SLC38A8: variants seen among roughly 807,000 people sequenced by gnomAD.
The protein encoded by SLC38A8 is amino acid transporter SLC38A8.
SLC38A8 carries 65 observed loss-of-function variants against 46.0 expected under a neutral mutation model. That is an observed-to-expected ratio of 1.41 (90% CI 1.16 to 1.74). SLC38A8 has a LOEUF of 1.74. Ranked by LOEUF, SLC38A8 falls within the 40% of genes most tolerant of loss-of-function variation. SLC38A8 has a pLI of 0.00. For synonymous variants in SLC38A8, 447 were observed against 243.7 expected, an observed-to-expected ratio of 1.83 and a Z score of -7.77; for missense variants, 998 against 567.9, an observed-to-expected ratio of 1.76 and a Z score of -7.70.
intron 6 of SLC38A8, among the ~76,000 whole-genome samples, chr16:84,028,299 G>A (rs1049142398): frequency 1.3e-5 from 2 of 152,104 alleles, no homozygotes; most frequent in Non-Finnish European, 2.9e-5. Context: ...TAAGCAGCGT[G>A]GCCAGGCACG....
intron 9 of SLC38A8, 30 bp from the exon 10 acceptor site, chr16:84,013,082 C>G (rs568953778): frequency 6.2e-7 from 1 of 1,613,506 alleles, no homozygotes; most frequent in Non-Finnish European, 8.5e-7. Context: ...ACCCACAGTT[C>G]TTCGTTATCA....
intron 9 of SLC38A8, among the ~76,000 whole-genome samples, chr16:84,013,430 T>G (rs1443731707): frequency 2.5e-5 from 3 of 121,564 alleles, no homozygotes; most frequent in Non-Finnish European, 5.2e-5. Context: ...GTGTGTTTTT[T>G]TTTTTTTTTT....
chr16:84,022,855 AT>A lies in SLC38A8; in HGVS notation c.724del (p.Met242CysfsTer26), dbSNP rs2085111611. Reference sequence around the variant, plus strand: ...CCAGTGGGAGAGGCTCCGTTTGCGCATGCTGCAGTAGATGGAGACGGCAGCT... The same window carrying A: ...CCAGTGGGAGAGGCTCCGTTTGCGCAGCTGCAGTAGATGGAGACGGCAGCT... ...HEAAVSIYCS[M>X]RKRSLSHWAL... is the part of the protein sequence containing the mutation. On this transcript the variant is annotated frameshift_variant, in exon 7 of 11. Transcript: ENST00000299709. LOFTEE classifies it high-confidence loss of function. 9 of 1,610,678 alleles carry A rather than the reference AT, an allele frequency of 5.6e-6. No homozygotes were observed. The highest frequency in any genetic ancestry group is 7.6e-6 in the Non-Finnish European group (9 of 1,178,750).
rs930213649 is a variant in SLC38A8, at chr16:84,031,922, C to T, written c.577G>A (p.Val193Met). ...AACYLALVIT[V>M]QYYLWPQGLV... ...CCCTGGGGCCAGAGGTAGTACTGCACGGTGATGACCAGGGCCAGGTAACAG... is the reference window on the plus strand; with the variant it reads ...CCCTGGGGCCAGAGGTAGTACTGCATGGTGATGACCAGGGCCAGGTAACAG... Residue 193 changes from valine to methionine, a missense_variant, in exon 5 of 11, where the codon GTG becomes ATG. By Grantham distance (21) the Val-to-Met change is conservative. Transcript: ENST00000299709. 18 of 1,614,072 alleles carry T rather than the reference C, an allele frequency of 1.1e-5. No homozygotes were observed. Among genetic ancestry groups the T allele is most frequent in the African/African-American group, 5.3e-5 (4 of 74,944 alleles).
rs2085258716 is a variant in SLC38A8 at position 84,032,853 on chromosome 16, T to TGTGCGTGCATGGGCACGGGGAC, written c.530+453_530+474dup. On this transcript the variant is annotated intron_variant, in intron 4 of 10. Coordinates refer to ENST00000299709, the MANE Select transcript of SLC38A8 (RefSeq NM_001080442.3). ...AACAACCTCTGTGTGTGTGCACACATGTGCGTGCATGGGCACGGGGACATG... is the reference window on the plus strand; with the variant it reads ...AACAACCTCTGTGTGTGTGCACACATGTGCGTGCATGGGCACGGGGACGTGCGTGCATGGGCACGGGGACATG... Among the ~76,000 whole-genome samples, 3 of 151,230 alleles carry TGTGCGTGCATGGGCACGGGGAC rather than the reference T, an allele frequency of 2.0e-5. 1 individual carries two copies. The South Asian group carries it at 6.3e-4, about 32-fold the overall frequency.
rs192707565 is a variant in SLC38A8 at position 84,037,654 on chromosome 16, A to G, written c.190-754T>C. 2.4e-3 allele frequency among the ~76,000 whole-genome samples: 367 copies of G among 151,932 alleles called. 1 individual carries two copies. Among genetic ancestry groups the G allele is most frequent in the African/African-American group, 8.5e-3 (352 of 41,436 alleles). ...CAGATGCCTGTAGTCCCAGCTACTC[A>G]TGAGGCTGAGGCAGCAAAATCTCTT... On this transcript the variant is annotated intron_variant, in intron 2 of 10. Transcript: ENST00000299709.
chr16:84,022,959 T>C (rs1006378629), intron 6 of SLC38A8, 70 bp from the exon 7 acceptor site: 1 of 1,120,174 alleles, frequency 8.9e-7, no homozygotes, highest in Non-Finnish European at 1.2e-6. Context: ...AAAAAACTCA[T>C]ATCCAAAAGG....
chr16:84,014,451 C>G (rs2085000041), intron 9 of SLC38A8, among the ~76,000 whole-genome samples: 1 of 151,798 alleles, frequency 6.6e-6, no homozygotes, highest in Admixed American at 6.6e-5. Context: ...CTCTGAAAGC[C>G]CTGCCCAGAG....
At chr16:84,041,533 A>G (rs9928107) in intron 2 of SLC38A8, among the ~76,000 whole-genome samples, 121,979 of 152,176 alleles carry the variant, frequency 0.8, 49,012 homozygotes, top group East Asian at 0.9. Context: ...GGCTGGTCTC[A>G]AACTCCTGAC....
At chr16:84,022,523 G>C (rs1299201340) in intron 7 of SLC38A8, among the ~76,000 whole-genome samples, 2 of 152,204 alleles carry the variant, frequency 1.3e-5, no homozygotes, top group African/African-American at 4.8e-5. Flanking sequence ...AGACGGCTAG[G>C]CTGGAGTTCA....
chr16:84,039,758 AAAAAAAAAAAGGC>A (rs770832339), intron 2 of SLC38A8, among the ~76,000 whole-genome samples: 8,071 of 92,478 alleles, frequency 0.087, 462 homozygotes, highest in East Asian at 0.31. Context: ...AAAAAAAAAA[AAAAAAAAAAAGGC>A]AGGGGAAGGT....
chr16:84,013,110 A>G (rs11864146), intron 9 of SLC38A8, 58 bp from the exon 10 acceptor site: 191,674 of 1,605,078 alleles, frequency 0.12, 13,591 homozygotes, highest in African/African-American at 0.33. Context: ...AGCAACAAAA[A>G]GGTCCCGGGA....
At position 84,031,860 on chromosome 16, in the gene SLC38A8, G is replaced by A. The variant is rs945611062; in HGVS notation, c.632+7C>T. On this transcript the variant is annotated splice_region_variant and intron_variant, in intron 5 of 10. Coordinates refer to ENST00000299709, the MANE Select transcript of SLC38A8 (RefSeq NM_001080442.3). ...GAGGCTGCCGGAAGCTGTTCCCTCA[G>A]ACTTACCTCAGTGAAGGATGGGACT... 7 of 1,613,440 alleles carry A rather than the reference G, an allele frequency of 4.3e-6. No homozygotes were observed. The highest frequency in any genetic ancestry group is 1.7e-5 in the Admixed American group (1 of 59,996).
At chr16:84,042,265 C>G (rs1019239263) in intron 1 of SLC38A8, 106 bp from the exon 2 acceptor site, 1 of 1,192,170 alleles carries the variant, frequency 8.4e-7, no homozygotes, top group South Asian at 1.6e-5. Context: ...CTCCCTGAGC[C>G]GCTCCTGCCC....
intron 10 of SLC38A8, 149 bp from the exon 11 acceptor site, chr16:84,010,026 G>A: frequency 5.3e-6 from 3 of 569,082 alleles, no homozygotes; most frequent in Non-Finnish European, 8.6e-6. Context: ...TTACCTGTAG[G>A]GATGGGTTTC....
intron 6 of SLC38A8, among the ~76,000 whole-genome samples, chr16:84,029,206 C>T (rs1056209810): frequency 2.0e-5 from 3 of 152,144 alleles, no homozygotes; most frequent in African/African-American, 7.2e-5. Flanking sequence ...CCCGGGTCCC[C>T]ACACTCTACG....
intron 7 of SLC38A8, among the ~76,000 whole-genome samples, chr16:84,022,089 G>A (rs567569772): frequency 3.9e-5 from 6 of 152,246 alleles, no homozygotes; most frequent in East Asian, 3.9e-4. Flanking sequence ...ACCACATCAG[G>A]GATTAAATTT....
chr16:84,033,905 C>G (rs2085274169), intron 3 of SLC38A8, among the ~76,000 whole-genome samples: 1 of 152,008 alleles, frequency 6.6e-6, no homozygotes, highest in Non-Finnish European at 1.5e-5. Flanking sequence ...CTCATGGTTG[C>G]AGCAGAACAC....
At chr16:84,014,471 G>C (rs186264768) in intron 9 of SLC38A8, among the ~76,000 whole-genome samples, 57 of 151,730 alleles carry the variant, frequency 3.8e-4, no homozygotes, top group African/African-American at 1.3e-3. Flanking sequence ...GTCGAGGGAG[G>C]AGCTGTATAG....
Sources: gnomAD v4.1 joint callset for allele counts (sites outside exome capture counted in the v4.1 genomes callset) on GRCh38, gnomAD v4.1.1 for gene constraint, MANE v1.5 for transcripts, NCBI Gene and HGNC (gene_info 2026-07-23, HGNC 2026-07-21) for gene names.